The following ATP9B variants were observed in gnomAD, a reference collection of about 807,000 sequenced individuals.
ATP9B encodes probable phospholipid-transporting ATPase IIB.
In ATP9B, 110 loss-of-function variants were observed where a neutral mutation model predicts 146.1. The observed-to-expected ratio is 0.75, with a 90% confidence interval of 0.65 to 0.88. The LOEUF (loss-of-function observed/expected upper bound fraction) is 0.88. Among genes scored for constraint, ATP9B ranks in the 40% least tolerant of loss-of-function variants. The pLI is 0.00. For synonymous variants in ATP9B, 604 were observed against 569.7 expected (o/e 1.06, Z -0.86); for missense variants, 1,499 against 1,496.4 (o/e 1.00, Z -0.03).
At chr18:79,297,464 T>C (rs559898589) in intron 13 of ATP9B, among the ~76,000 whole-genome samples, 2 of 152,226 alleles carry the variant, frequency 1.3e-5, no homozygotes, top group African/African-American at 2.4e-5. Context: ...CTCATCGCGT[T>C]ATGAGGCACT....
rs139331552 is a variant in ATP9B at position 79,277,104 on chromosome 18, T to C, written c.1319T>C (p.Met440Thr). The change falls in exon 13 of 30, where the codon ATG becomes ACG. Residue 440 changes from methionine to threonine, a missense_variant. Met to Thr is a moderately conservative substitution (Grantham distance 81). Coordinates refer to ENST00000426216, the MANE Select transcript of ATP9B (RefSeq NM_198531.5). ...MGKAVYGWMM[M>T]KDENIPGTVV... ...AAAGCGGTGTATGGATGGATGATGA[T>C]GAAAGATGAGAACATCCCTGGCACG... 4.3e-6 allele frequency: 7 copies of C among 1,614,196 alleles called. No individual in the cohort carries two copies. The African/African-American group carries it at 5.3e-5, about 12-fold the overall frequency.
chr18:79,284,180 C>T (rs1345834786), intron 13 of ATP9B, among the ~76,000 whole-genome samples: 1 of 152,132 alleles, frequency 6.6e-6, no homozygotes, highest in African/African-American at 2.4e-5. Context: ...TGAGTGCATA[C>T]GAGGCAAGCA....
At chr18:79,208,665 A>G (rs1219993693) in intron 10 of ATP9B, among the ~76,000 whole-genome samples, 20 of 152,254 alleles carry the variant, frequency 1.3e-4, no homozygotes, top group Admixed American at 1.3e-3. Flanking sequence ...ATAGGTGACA[A>G]TTTTTGTGGG....
intron 5 of ATP9B, among the ~76,000 whole-genome samples, chr18:79,141,256 G>A (rs892037117): frequency 3.3e-5 from 5 of 152,110 alleles, no homozygotes; most frequent in South Asian, 2.1e-4. Context: ...GAAGAAGGAC[G>A]TGTTTGCTTT....
chr18:79,289,235 G>A (rs58405841), intron 13 of ATP9B, among the ~76,000 whole-genome samples: 2,610 of 152,240 alleles, frequency 0.017, 83 homozygotes, highest in African/African-American at 0.059. Context: ...CATTCTCCCC[G>A]TCACTTTCAG....
At chr18:79,196,601 G>A (rs1304816004) in intron 9 of ATP9B, among the ~76,000 whole-genome samples, 1 of 152,150 alleles carries the variant, frequency 6.6e-6, no homozygotes. Context: ...TGGGACAGTG[G>A]CAAAATGGTA....
chr18:79,086,891 G>A (rs778122493), intron 1 of ATP9B, among the ~76,000 whole-genome samples: 2 of 152,082 alleles, frequency 1.3e-5, no homozygotes, highest in Non-Finnish European at 2.9e-5. Flanking sequence ...TATTTTTCAG[G>A]CAGCCATCCC....
At position 79,377,794 on chromosome 18, in the gene ATP9B, T is replaced by A. The variant is rs536159627; in HGVS notation, c.*411T>A. 1.7e-3 allele frequency: 318 copies of A among 182,578 alleles called. No homozygotes were observed. The highest frequency in any genetic ancestry group is 2.8e-3 in the Non-Finnish European group (246 of 86,540). 11.3% of individuals were successfully genotyped at this position (182,578 alleles called of 1,614,324 possible). A position where few individuals can be genotyped will look rare whatever the true frequency, so the allele number is the denominator to read the frequency against. On this transcript the variant is annotated 3_prime_UTR_variant, in exon 30 of 30. Transcript: ENST00000426216. ...ATGCTAGGCAAGCCCAGGGCACAGA[T>A]GCCGGGATGGCCCCTCCCTCTCAGT...
At chr18:79,326,738 G>A (rs546540990) in intron 15 of ATP9B, among the ~76,000 whole-genome samples, 3 of 152,208 alleles carry the variant, frequency 2.0e-5, no homozygotes, top group East Asian at 1.9e-4. Context: ...GTGGTCAGAC[G>A]TGTGGGGAAT....
intron 8 of ATP9B, among the ~76,000 whole-genome samples, chr18:79,183,464 AT>A (rs33938249): frequency 0.56 from 84,729 of 151,914 alleles, 25,358 homozygotes; most frequent in African/African-American, 0.79. Flanking sequence ...ATTGAAGATA[AT>A]TCTTACCTAA....
intron 13 of ATP9B, among the ~76,000 whole-genome samples, chr18:79,279,956 C>A (rs535551168): frequency 6.6e-6 from 1 of 152,294 alleles, no homozygotes; most frequent in South Asian, 2.1e-4. Flanking sequence ...TTCTACTCTC[C>A]AGCCGTTTTG....
intron 24 of ATP9B, 70 bp from the exon 25 acceptor site, chr18:79,348,062 C>T: frequency 6.2e-7 from 1 of 1,605,632 alleles, no homozygotes; most frequent in Non-Finnish European, 8.5e-7. Flanking sequence ...TAGCGAGGCC[C>T]CTGAGAGGCT....
chr18:79,360,076 C>T (rs1447825257), intron 26 of ATP9B: 1 of 156,728 alleles, frequency 6.4e-6, no homozygotes, highest in Non-Finnish European at 1.4e-5. Flanking sequence ...TGGCTTAAAA[C>T]TGTGCTCTGT....
intron 15 of ATP9B, among the ~76,000 whole-genome samples, chr18:79,323,399 T>G (rs2096726827): frequency 6.6e-6 from 1 of 152,204 alleles, no homozygotes. Context: ...TCCGACTGTA[T>G]TTTTGTACCC....
At chr18:79,329,960 C>T (rs1057312051) in intron 16 of ATP9B, 52 bp from the exon 17 acceptor site, 10 of 1,503,974 alleles carry the variant, frequency 6.6e-6, no homozygotes, top group African/African-American at 5.5e-5. Context: ...CAGTTATTTG[C>T]CCCGAGCAAT....
intron 7 of ATP9B, among the ~76,000 whole-genome samples, chr18:79,159,633 T>C (rs1253733581): frequency 6.6e-6 from 1 of 152,150 alleles, no homozygotes; most frequent in African/African-American, 2.4e-5. Flanking sequence ...CTCCATTGCC[T>C]TCTTCCTATA....
chr18:79,143,382 T>C (rs916074162), intron 5 of ATP9B, among the ~76,000 whole-genome samples: 1 of 152,240 alleles, frequency 6.6e-6, no homozygotes, highest in Non-Finnish European at 1.5e-5. Context: ...TATAATTTGC[T>C]TTATTTCTTT....
chr18:79,308,299 A>T (rs116476220), intron 15 of ATP9B, among the ~76,000 whole-genome samples: 81 of 152,266 alleles, frequency 5.3e-4, no homozygotes, highest in African/African-American at 1.9e-3. Flanking sequence ...TTGAACATGG[A>T]ATTACCATAT....
intron 1 of ATP9B, among the ~76,000 whole-genome samples, chr18:79,080,662 A>G (rs181091990): frequency 1.3e-5 from 2 of 152,302 alleles, no homozygotes; most frequent in Non-Finnish European, 2.9e-5. Context: ...ACTATGTTGA[A>G]TAGGAGTGGT....
Sources: allele counts gnomAD v4.1 joint callset (sites outside exome capture counted in the v4.1 genomes callset), GRCh38; gene constraint gnomAD v4.1.1; transcripts MANE v1.5; gene names NCBI Gene and HGNC (gene_info 2026-07-23, HGNC 2026-07-21).